The following GIGYF2 variants were observed in gnomAD, a reference collection of about 807,000 sequenced individuals.
The protein encoded by GIGYF2 is GRB10 interacting GYF protein 2, also known as GRB10-interacting GYF protein 2.
In GIGYF2, 25 loss-of-function variants were observed where a neutral mutation model predicts 208.1. The ratio of observed to expected loss-of-function variants is 0.12; its 90% confidence interval spans 0.09 to 0.17. The LOEUF (loss-of-function observed/expected upper bound fraction) is 0.17. GIGYF2 is among the 10% of genes least tolerant of loss of function. GIGYF2 has a pLI of 1.00. For synonymous variants in GIGYF2, 534 were observed against 543.8 expected (o/e 0.98, Z 0.25); for missense variants, 1,302 against 1,579.4 (o/e 0.82, Z 2.98).
chr2:232,729,494 T>G (rs1433515599), intron 2 of GIGYF2: 4 of 1,175,384 alleles, frequency 3.4e-6, no homozygotes, highest in Non-Finnish European at 1.1e-6. Flanking sequence ...CTCAAGCTTT[T>G]ATTTAAATGC....
At chr2:232,822,612 C>T (rs4973560) in intron 21 of GIGYF2, among the ~76,000 whole-genome samples, 92,491 of 151,186 alleles carry the variant, frequency 0.61, 28,583 homozygotes, top group Admixed American at 0.66. Context: ...ACGCGGGAGG[C>T]GGAGGTTGCA....
At chr2:232,750,777 G>A (rs1006327216) in intron 5 of GIGYF2, among the ~76,000 whole-genome samples, 1 of 151,516 alleles carries the variant, frequency 6.6e-6, no homozygotes, top group Non-Finnish European at 1.5e-5. Context: ...GTGTGTGTGT[G>A]TATTTTTTGT....
At chr2:232,845,656 T>G in intron 25 of GIGYF2, 76 bp from the exon 26 acceptor site, 2 of 1,264,570 alleles carry the variant, frequency 1.6e-6, no homozygotes, top group Non-Finnish European at 2.3e-6. Context: ...TGCCAAGACA[T>G]TATTTATGGT....
intron 8 of GIGYF2, among the ~76,000 whole-genome samples, chr2:232,784,059 C>A (rs377629461): frequency 6.6e-6 from 1 of 152,204 alleles, no homozygotes; most frequent in South Asian, 2.1e-4. Context: ...ATACAAGGAT[C>A]AAAAATTTAG....
intron 3 of GIGYF2, among the ~76,000 whole-genome samples, chr2:232,738,379 T>G (rs1697830831): frequency 6.6e-6 from 1 of 152,226 alleles, no homozygotes; most frequent in African/African-American, 2.4e-5. Context: ...GTGTCTTTCT[T>G]TAAGCCTTTC....
intron 2 of GIGYF2, among the ~76,000 whole-genome samples, chr2:232,707,910 T>A (rs1216956186): frequency 6.6e-6 from 1 of 152,068 alleles, no homozygotes; most frequent in Non-Finnish European, 1.5e-5. Context: ...AGTGCTAGGA[T>A]TATAGGTGTG....
At chr2:232,809,891 T>A (rs992333642) in intron 16 of GIGYF2, 80 bp downstream of exon 16, 3 of 859,582 alleles carry the variant, frequency 3.5e-6, no homozygotes, top group Non-Finnish European at 6.1e-6. Context: ...TCTCACCTTT[T>A]ACAGTAGAGA....
At chr2:232,805,575 G>T (rs1189665793) in intron 14 of GIGYF2, among the ~76,000 whole-genome samples, 1 of 152,056 alleles carries the variant, frequency 6.6e-6, no homozygotes, top group Admixed American at 6.5e-5. Context: ...TATATTTTGT[G>T]TGACTTTCTT....
intron 1 of GIGYF2, among the ~76,000 whole-genome samples, chr2:232,701,287 A>G (rs1695827757): frequency 6.6e-6 from 1 of 151,662 alleles, no homozygotes; most frequent in African/African-American, 2.4e-5. Context: ...TTGAGATGGA[A>G]TCTCACTGTG....
At chr2:232,813,496 T>C (rs776764620) in intron 18 of GIGYF2, among the ~76,000 whole-genome samples, 1 of 152,128 alleles carries the variant, frequency 6.6e-6, no homozygotes, top group Non-Finnish European at 1.5e-5. Flanking sequence ...TGTGAGCCAC[T>C]GCGCCCAGCC....
At chr2:232,720,381 A>C (rs1460778143) in intron 2 of GIGYF2, among the ~76,000 whole-genome samples, 3 of 152,180 alleles carry the variant, frequency 2.0e-5, no homozygotes, top group Admixed American at 2.0e-4. Flanking sequence ...TGCTATTGTG[A>C]ATAGTGCTAC....
chr2:232,774,880 C>G (rs1476881598), intron 8 of GIGYF2, among the ~76,000 whole-genome samples: 1 of 152,154 alleles, frequency 6.6e-6, no homozygotes, highest in Non-Finnish European at 1.5e-5. Flanking sequence ...TAGACTGTAG[C>G]TAACAAAATT....
intron 9 of GIGYF2, chr2:232,788,691 G>T: frequency 2.7e-6 from 1 of 364,582 alleles, no homozygotes; most frequent in Admixed American, 3.0e-5. Flanking sequence ...CAACAACTTA[G>T]AATTTGGTTA....
At chr2:232,740,828 A>G (rs1437784700) in intron 3 of GIGYF2, among the ~76,000 whole-genome samples, 2 of 152,328 alleles carry the variant, frequency 1.3e-5, no homozygotes, top group African/African-American at 4.8e-5. Flanking sequence ...AGATGTGTTA[A>G]TATTTCCAGT....
At chr2:232,707,169 AG>A (rs149982095) in intron 2 of GIGYF2, among the ~76,000 whole-genome samples, 1 of 152,334 alleles carries the variant, frequency 6.6e-6, no homozygotes, top group East Asian at 1.9e-4. Flanking sequence ...GAAGAATGAT[AG>A]TAAAAGCAAT....
Position 232,711,702 on chromosome 2 carries a change from G to GATGTGTGTATATATATATATAT in GIGYF2, c.-44+8217_-44+8218insGTGTATATATATATATATATGT, listed in dbSNP as rs1553604488. 5.5e-4 allele frequency among the ~76,000 whole-genome samples: 28 copies of GATGTGTGTATATATATATATAT among 50,544 alleles called. 1 individual carries two copies. Among genetic ancestry groups the GATGTGTGTATATATATATATAT allele is most frequent in the African/African-American group, 2.0e-3 (26 of 13,134 alleles). 33.2% of individuals were successfully genotyped at this position (50,544 alleles called of 152,430 possible). On this transcript the variant is annotated intron_variant, in intron 2 of 28. Coordinates refer to ENST00000373563, the MANE Select transcript of GIGYF2 (RefSeq NM_001103146.3). Reference sequence around the variant, plus strand: ...TATGAAGGAAAATTATCCTCACAATGATGTATATATATATATATATATATA... The same window carrying GATGTGTGTATATATATATATAT: ...TATGAAGGAAAATTATCCTCACAATGATGTGTGTATATATATATATATATGTATATATATATATATATATATA...
intron 23 of GIGYF2, among the ~76,000 whole-genome samples, chr2:232,840,435 G>A (rs779718033): frequency 2.0e-5 from 3 of 152,170 alleles, no homozygotes; most frequent in Non-Finnish European, 2.9e-5. Context: ...GGATACAAAA[G>A]AGTATAAAAG....
chr2:232,732,857 C>T (rs535277128), intron 2 of GIGYF2, among the ~76,000 whole-genome samples: 9 of 152,050 alleles, frequency 5.9e-5, no homozygotes, highest in South Asian at 4.2e-4. Context: ...CTTGAACTTC[C>T]GGGCTCAAGC....
rs1480825407 is a variant in GIGYF2 at position 232,815,718 on chromosome 2, A to G, written c.2189A>G (p.Glu730Gly). ...GCCCTGGAACAGCTTCAGCAGCTAGAGAAGGCCAAAGCTGCAAAGGTCTGA... is the reference window on the plus strand; with the variant it reads ...GCCCTGGAACAGCTTCAGCAGCTAGGGAAGGCCAAAGCTGCAAAGGTCTGA... Reference protein sequence around the residue: ...GPALEQLQQLEKAKAAKLEQE... With the variant: ...GPALEQLQQLGKAKAAKLEQE... Residue 730 changes from glutamate (E) to glycine (G), a missense_variant, in exon 19 of 29, where the codon GAG becomes GGG. Physicochemically the swap from Glu to Gly is moderately conservative, Grantham distance 98. Coordinates refer to ENST00000373563, the MANE Select transcript of GIGYF2 (RefSeq NM_001103146.3). 34 of 1,589,292 alleles carry G rather than the reference A, an allele frequency of 2.1e-5. No homozygotes were observed. The highest frequency in any genetic ancestry group is 2.9e-5 in the Non-Finnish European group (34 of 1,157,396).
Sources: gnomAD v4.1 joint callset for allele counts (sites outside exome capture counted in the v4.1 genomes callset) on GRCh38, gnomAD v4.1.1 for gene constraint, MANE v1.5 for transcripts, NCBI Gene and HGNC (gene_info 2026-07-23, HGNC 2026-07-21) for gene names.